Variants in CIB4 observed in about 807,000 individuals in gnomAD.
CIB4 encodes calcium and integrin-binding family member 4.
In CIB4, 25 loss-of-function variants were observed where a neutral mutation model predicts 25.8. The observed-to-expected ratio is 0.97, with a 90% CI of 0.71 to 1.35. CIB4 has a LOEUF of 1.35. CIB4 is among the 40% of genes most tolerant of loss of function. The pLI, the probability that CIB4 is intolerant of heterozygous loss-of-function variation, is 0.00. For missense variants in CIB4, 235 were observed against 228.2 expected, an observed-to-expected ratio of 1.03 and a Z score of -0.19; for synonymous variants, 75 against 81.4, an observed-to-expected ratio of 0.92 and a Z score of 0.42.
chr2:26,590,397 G>A (rs1288312847), intron 4 of CIB4, among the ~76,000 whole-genome samples: 1 of 152,100 alleles, frequency 6.6e-6, no homozygotes, highest in Non-Finnish European at 1.5e-5. Flanking sequence ...AGATCCAGTG[G>A]GTGGAGTAGG....
At chr2:26,601,231 A>AAAAAAAATATATAT (rs1395827334) in intron 3 of CIB4, among the ~76,000 whole-genome samples, 3 of 17,230 alleles carry the variant, frequency 1.7e-4, no homozygotes, top group African/African-American at 4.5e-4. Context: ...AAAAAAAAAA[A>AAAAAAAATATATAT]ATATATATAT....
In CIB4 at chr2:26,639,846, T is replaced by C. The variant is rs550612421; in HGVS notation, c.89+687A>G. 1.7e-3 allele frequency among the ~76,000 whole-genome samples: 252 copies of C among 152,172 alleles called. 2 individuals carry two copies. The highest frequency in any genetic ancestry group is 5.7e-3 in the African/African-American group (238 of 41,524). On this transcript the variant is annotated intron_variant, in intron 2 of 6. Coordinates refer to ENST00000288861, the MANE Select transcript of CIB4 (RefSeq NM_001029881.3). ...CCCCCACCTTCCCCTGAAAGTGTCT[T>C]GGTGAGCTCCTTTATTCATCTAACA...
intron 6 of CIB4, among the ~76,000 whole-genome samples, chr2:26,581,817 C>G (rs1263357353): frequency 6.6e-6 from 1 of 152,224 alleles, no homozygotes; most frequent in Non-Finnish European, 1.5e-5. Flanking sequence ...GGAGCCCCCT[C>G]CTCATCCAGG....
chr2:26,608,446 G>A (rs1668934824), intron 3 of CIB4, among the ~76,000 whole-genome samples: 1 of 152,146 alleles, frequency 6.6e-6, no homozygotes, highest in African/African-American at 2.4e-5. Flanking sequence ...GACTTTCCGA[G>A]TCAGCACCTC....
chr2:26,602,547 A>T (rs903905481), intron 3 of CIB4, among the ~76,000 whole-genome samples: 8 of 152,240 alleles, frequency 5.3e-5, no homozygotes, highest in African/African-American at 1.9e-4. Flanking sequence ...AATATGAACT[A>T]ATGGGTATTT....
intron 4 of CIB4, among the ~76,000 whole-genome samples, chr2:26,589,066 C>CTCTTCTTCTTCTTCT (rs1365384371): frequency 2.2e-5 from 1 of 46,306 alleles, no homozygotes; most frequent in African/African-American, 6.9e-5. Flanking sequence ...CTTCCTCTTC[C>CTCTTCTTCTTCTTCT]TCTTCCTCTT....
In CIB4 at chr2:26,628,755, A is replaced by G. The variant is rs187622825; in HGVS notation, c.186+655T>C. 1.7e-3 allele frequency among the ~76,000 whole-genome samples: 259 copies of G among 152,306 alleles called. 1 individual carries two copies. The highest frequency in any genetic ancestry group is 5.9e-3 in the African/African-American group (247 of 41,580). ...GCTCCTCCTGTCTTCTCAGAGAAGA[A>G]CCTGAGAAAATTCTCAGTCCCTCTA... On this transcript the variant is annotated intron_variant, in intron 3 of 6. Coordinates refer to ENST00000288861, the MANE Select transcript of CIB4 (RefSeq NM_001029881.3).
chr2:26,584,030 G>C (rs1417029295), intron 4 of CIB4, 132 bp from the exon 5 acceptor site: 1 of 623,682 alleles, frequency 1.6e-6, no homozygotes, highest in African/African-American at 1.8e-5. Flanking sequence ...AGGCCCCCCA[G>C]AGCCCAACTC....
At chr2:26,605,963 C>T (rs1374652963) in intron 3 of CIB4, among the ~76,000 whole-genome samples, 1 of 152,136 alleles carries the variant, frequency 6.6e-6, no homozygotes, top group Non-Finnish European at 1.5e-5. Context: ...ACCATGCAGG[C>T]GGGGTTTGAG....
intron 4 of CIB4, among the ~76,000 whole-genome samples, chr2:26,594,515 A>G (rs1263800759): frequency 1.3e-5 from 2 of 152,234 alleles, no homozygotes; most frequent in African/African-American, 4.8e-5. Flanking sequence ...TAAATGTGCA[A>G]GTCCTTTGGG....
At chr2:26,611,270 A>G (rs908762373) in intron 3 of CIB4, among the ~76,000 whole-genome samples, 1 of 152,260 alleles carries the variant, frequency 6.6e-6, no homozygotes, top group Non-Finnish European at 1.5e-5. Flanking sequence ...CTGTCAGCAC[A>G]GTCCATCTGG....
intron 2 of CIB4, among the ~76,000 whole-genome samples, chr2:26,632,582 C>T (rs1669441788): frequency 6.6e-6 from 1 of 151,968 alleles, no homozygotes; most frequent in Non-Finnish European, 1.5e-5. Flanking sequence ...CATGGTGAAA[C>T]ACCAACTCTA....
At chr2:26,590,357 C>A (rs1252066857) in intron 4 of CIB4, among the ~76,000 whole-genome samples, 1 of 148,512 alleles carries the variant, frequency 6.7e-6, no homozygotes, top group South Asian at 2.1e-4. Flanking sequence ...GACGTTAAAG[C>A]ACAGAGGAAT....
chr2:26,624,991 G>A (rs1377007686), intron 3 of CIB4, among the ~76,000 whole-genome samples: 11 of 151,892 alleles, frequency 7.2e-5, no homozygotes, highest in Admixed American at 7.2e-4. Context: ...TGCTTATTTC[G>A]CATTGCATCA....
chr2:26,615,704 C>T (rs998110334), intron 3 of CIB4, among the ~76,000 whole-genome samples: 5 of 152,230 alleles, frequency 3.3e-5, no homozygotes, highest in East Asian at 3.8e-4. Context: ...AGCCCAAGAC[C>T]GCCAGGTGGC....
At chr2:26,583,431 G>A (rs535835907) in intron 5 of CIB4, among the ~76,000 whole-genome samples, 3 of 152,300 alleles carry the variant, frequency 2.0e-5, no homozygotes, top group Admixed American at 1.3e-4. Flanking sequence ...GTTGAGATGG[G>A]TCCCTCTGAG....
At chr2:26,641,039 CATT>C (rs1245254639) in intron 1 of CIB4, among the ~76,000 whole-genome samples, 4 of 152,212 alleles carry the variant, frequency 2.6e-5, no homozygotes, top group Admixed American at 1.3e-4. Flanking sequence ...TTTCTTAAAA[CATT>C]ATCAGATTTT....
chr2:26,612,804 G>T (rs1271998938), intron 3 of CIB4, among the ~76,000 whole-genome samples: 1 of 152,196 alleles, frequency 6.6e-6, no homozygotes, highest in Non-Finnish European at 1.5e-5. Flanking sequence ...AAGCCCTGGG[G>T]CAGTTTACAG....
At chr2:26,601,231 A>ATATATATAT (rs1553374674) in intron 3 of CIB4, among the ~76,000 whole-genome samples, 3 of 17,226 alleles carry the variant, frequency 1.7e-4, no homozygotes, top group African/African-American at 4.5e-4. Flanking sequence ...AAAAAAAAAA[A>ATATATATAT]ATATATATAT....
Sources: allele counts gnomAD v4.1 joint callset (sites outside exome capture counted in the v4.1 genomes callset), GRCh38; gene constraint gnomAD v4.1.1; transcripts MANE v1.5; gene names NCBI Gene and HGNC (gene_info 2026-07-23, HGNC 2026-07-21).